PSMD3: variants seen among roughly 807,000 people sequenced by gnomAD.
PSMD3 encodes proteasome 26S subunit, non-ATPase 3, also known as 26S proteasome non-ATPase regulatory subunit 3.
Under a neutral mutation model 62.8 loss-of-function variants are expected in PSMD3, and 5 were observed. That is an observed-to-expected ratio of 0.08 (90% CI 0.04 to 0.17). PSMD3 has a LOEUF of 0.17. Among genes scored for constraint, PSMD3 ranks in the 10% least tolerant of loss-of-function variants. PSMD3 has a pLI of 1.00. For synonymous variants in PSMD3, 265 were observed against 283.9 expected, an observed-to-expected ratio of 0.93 and a Z score of 0.67; for missense variants, 524 against 713.6, an observed-to-expected ratio of 0.73 and a Z score of 3.03.
chr17:39,997,182 G>T, intron 10 of PSMD3, 148 bp from the exon 11 acceptor site: 1 of 702,856 alleles, frequency 1.4e-6, no homozygotes, highest in Non-Finnish European at 2.5e-6. Flanking sequence ...TTCCTTTGAT[G>T]CCTAGCCCCC....
intron 1 of PSMD3, among the ~76,000 whole-genome samples, chr17:39,981,932 C>A (rs1257385377): frequency 6.6e-6 from 1 of 152,118 alleles, no homozygotes; most frequent in Non-Finnish European, 1.5e-5. Flanking sequence ...TCCTCTTGTT[C>A]CTCCAAGTTC....
intron 3 of PSMD3, among the ~76,000 whole-genome samples, chr17:39,987,825 A>G (rs1797614132): frequency 6.6e-6 from 1 of 152,212 alleles, no homozygotes; most frequent in African/African-American, 2.4e-5. Flanking sequence ...AGTGTACTAC[A>G]GGCCAGGTAT....
At position 39,986,770 on chromosome 17, in the gene PSMD3, G is replaced by A. The variant is rs548146729; in HGVS notation, c.549+58G>A. ...CCCCAAGTGATGCAAGGGGTTTGGC[G>A]GGGAGATGGTCCCTGGTGAAGAAAT... is the stretch of plus-strand genomic sequence containing the variant. On this transcript the variant is annotated intron_variant, in intron 3 of 11. Coordinates refer to ENST00000264639, the MANE Select transcript of PSMD3 (RefSeq NM_002809.4). The A allele has an allele frequency of 2.6e-4, 417 of 1,579,622 alleles. 1 individual carries two copies. In the African/African-American group the frequency reaches 4.4e-3, roughly 17 times the overall value.
At chr17:39,988,935 A>T (rs528099183) in intron 4 of PSMD3, 116 bp downstream of exon 4, 4 of 1,397,110 alleles carry the variant, frequency 2.9e-6, no homozygotes, top group Admixed American at 1.8e-5. Context: ...AGCAGGGAAG[A>T]GGGGCAGTGG....
chr17:39,988,202 A>G (rs1431971694), intron 3 of PSMD3, among the ~76,000 whole-genome samples: 2 of 152,166 alleles, frequency 1.3e-5, no homozygotes, highest in Non-Finnish European at 2.9e-5. Flanking sequence ...TCACCCCACA[A>G]AGAAACACCA....
chr17:39,983,935 C>T (rs1043744148), intron 1 of PSMD3, among the ~76,000 whole-genome samples: 3 of 152,026 alleles, frequency 2.0e-5, no homozygotes, highest in Non-Finnish European at 4.4e-5. Flanking sequence ...CACGGTGGCT[C>T]ACGCCTATAA....
Position 39,996,062 on chromosome 17 carries a change from T to TGA in PSMD3, c.1321-119_1321-118dup, listed in dbSNP as rs1450015356. 2 of 1,236,592 alleles carry TGA rather than the reference T, an allele frequency of 1.6e-6. No homozygotes were observed. Among genetic ancestry groups the TGA allele is most frequent in the East Asian group, 4.8e-5 (2 of 41,902 alleles). 76.6% of individuals were successfully genotyped at this position (1,236,592 alleles called of 1,614,324 possible). ...TGAACCCGGGAGGTAAAGGTTGCAG[T>TGA]GAGCTGAGATCGCACCACCGCACTC... On this transcript the variant is annotated intron_variant, in intron 9 of 11. Transcript: ENST00000264639. The surrounding 1 kb of genome is among the most constrained non-coding windows in gnomAD (Gnocchi z 5.1).
rs1980757800 is a variant in PSMD3, at chr17:39,995,355, G to C, written c.1216+60G>C. 1 of 1,613,744 alleles carries C rather than the reference G, an allele frequency of 6.2e-7. No individual in the cohort carries two copies. The highest frequency in any genetic ancestry group is 8.5e-7 in the Non-Finnish European group (1 of 1,179,794). ...CAGAAGCCAGGCCAGGGCAAACCTA[G>C]TGGGTATCCTTGGGCAAGTGAAGGG... On this transcript the variant is annotated intron_variant, in intron 8 of 11. Transcript: ENST00000264639. The surrounding 1 kb of genome is among the most constrained non-coding windows in gnomAD (Gnocchi z 4.1).
intron 6 of PSMD3, among the ~76,000 whole-genome samples, chr17:39,990,469 T>C (rs956509407): frequency 6.6e-6 from 1 of 152,114 alleles, no homozygotes; most frequent in Non-Finnish European, 1.5e-5. Flanking sequence ...ACTTTTATTA[T>C]TATTTTTTGT....
At chr17:39,990,409 G>T (rs1368076762) in intron 6 of PSMD3, among the ~76,000 whole-genome samples, 1 of 151,866 alleles carries the variant, frequency 6.6e-6, no homozygotes, top group Non-Finnish European at 1.5e-5. Flanking sequence ...TCTTCTCTAT[G>T]CTAGGGGCTA....
At chr17:39,993,068 C>A (rs895375716) in intron 6 of PSMD3, 1 of 152,218 alleles carries the variant, frequency 6.6e-6, no homozygotes, top group Non-Finnish European at 1.5e-5. Context: ...AAATTGATTT[C>A]ATCACAATTC....
rs1007310917 is a variant in PSMD3, at chr17:39,981,000, C to T, written c.30C>T (p.Arg10=). Residue 10 remains arginine, a synonymous_variant, in exon 1 of 12, where the codon CGC becomes CGT. Coordinates refer to ENST00000264639, the MANE Select transcript of PSMD3 (RefSeq NM_002809.4). The part of the protein sequence containing the change: MKQEGSARR[R]GADKAKPPPG... ...AGCAGGAGGGCTCGGCGCGGCGCCGCGGCGCGGACAAGGCGAAACCGCCGC... is the reference window on the plus strand; with the variant it reads ...AGCAGGAGGGCTCGGCGCGGCGCCGTGGCGCGGACAAGGCGAAACCGCCGC... 13 of 1,547,572 alleles carry T rather than the reference C, an allele frequency of 8.4e-6. No individual in the cohort carries two copies. Among genetic ancestry groups the T allele is most frequent in the Non-Finnish European group, 1.0e-5 (12 of 1,146,878 alleles).
In PSMD3 at chr17:39,988,777, C is replaced by G; in HGVS notation, c.644C>G (p.Ala215Gly). The change falls in exon 4 of 12, where the codon GCC (alanine) becomes GGC (glycine). Residue 215 changes from alanine to glycine, a missense_variant. By Grantham distance (60) the Ala-to-Gly change is moderately conservative. Transcript: ENST00000264639. ...LVAAKCYYYH[A>G]RVYEFLDKLD... ...GCCGCAAAGTGTTACTATTATCACG[C>G]CCGGGTCTATGAGTTCCTGGACAAG... The G allele has an allele frequency of 1.2e-6, 2 of 1,614,116 alleles. No homozygotes were observed. Among genetic ancestry groups the G allele is most frequent in the Non-Finnish European group, 1.7e-6 (2 of 1,180,034 alleles).
Position 39,995,160 on chromosome 17 carries a change from C to A in PSMD3, c.1097-16C>A, listed in dbSNP as rs191334485. On this transcript the variant is annotated splice_polypyrimidine_tract_variant and intron_variant, in intron 7 of 11. Transcript: ENST00000264639. The surrounding 1 kb of genome is among the most constrained non-coding windows in gnomAD (Gnocchi z 4.1). ...GCCTATTTGCATCATCCAATCTACT[C>A]CTGTTCTGCCTGCAGCTGTCAGGAC... is the stretch of plus-strand genomic sequence containing the variant. 6.2e-7 allele frequency: 1 copy of A among 1,614,134 alleles called. No individual in the cohort carries two copies. The highest frequency in any genetic ancestry group is 8.5e-7 in the Non-Finnish European group (1 of 1,180,006).
At chr17:39,991,683 C>T (rs1038621239) in intron 6 of PSMD3, among the ~76,000 whole-genome samples, 4 of 152,128 alleles carry the variant, frequency 2.6e-5, no homozygotes, top group Non-Finnish European at 4.4e-5. Flanking sequence ...CATTTTATTT[C>T]TGTTCAGAAG....
At chr17:39,981,785 T>C (rs1980391781) in intron 1 of PSMD3, among the ~76,000 whole-genome samples, 1 of 152,126 alleles carries the variant, frequency 6.6e-6, no homozygotes, top group Non-Finnish European at 1.5e-5. Flanking sequence ...TTCTAAAGGG[T>C]TTAAGTACAT....
Position 39,995,229 on chromosome 17 carries a change from G to C in PSMD3, c.1150G>C (p.Glu384Gln). The C allele has an allele frequency of 6.2e-7, 1 of 1,614,064 alleles. No individual in the cohort carries two copies. ...CAACCAGGTCCTGGATCAGTTTGGG[G>C]AGAAGTTTCAAGCAGATGGGACCTA... ...KFNQVLDQFG[E>Q]KFQADGTYTL... Residue 384 changes from glutamate (E) to glutamine (Q), a missense_variant, in exon 8 of 12, where the codon GAG becomes CAG. Glu to Gln is a conservative substitution (Grantham distance 29). Around this residue, in one of 4 missense-constraint regions of PSMD3, gnomAD observed 32 missense variants for 85.4 expected, o/e 0.37. Transcript: ENST00000264639. This position sits in a 1 kb window ranked among gnomAD's most constrained non-coding sequence, Gnocchi z 4.1.
In PSMD3 at chr17:39,995,521, T is replaced by C. The variant is rs1980762125; in HGVS notation, c.1314T>C (p.Val438=). Residue 438 remains valine, a synonymous_variant, in exon 9 of 12, where the codon GTT becomes GTC. Coordinates refer to ENST00000264639, the MANE Select transcript of PSMD3 (RefSeq NM_002809.4). The surrounding 1 kb of genome is among the most constrained non-coding windows in gnomAD (Gnocchi z 4.1). ...GCCCCGAAGATGCAGAGTTCATTGT[T>C]GCCAAGGTGGGGCTGGTTCAGGAAC... ...LDSPEDAEFI[V]AKAIRDGVIE... is the part of the protein sequence containing the mutation. The C allele has an allele frequency of 4.3e-6, 7 of 1,612,782 alleles. No individual in the cohort carries two copies. Among genetic ancestry groups the C allele is most frequent in the Non-Finnish European group, 5.9e-6 (7 of 1,178,874 alleles).
chr17:39,993,132 CCT>C (rs1980700129), intron 6 of PSMD3: 1 of 152,180 alleles, frequency 6.6e-6, no homozygotes, highest in African/African-American at 2.4e-5. Context: ...CTTCTGAGGG[CCT>C]CTCTCGTCTG....
Sources: allele counts gnomAD v4.1 joint callset (sites outside exome capture counted in the v4.1 genomes callset), GRCh38; gene constraint gnomAD v4.1.1; regional missense constraint gnomAD v4.1.1; non-coding constraint Gnocchi (gnomAD v3.1); transcripts MANE v1.5; gene names NCBI Gene and HGNC (gene_info 2026-07-23, HGNC 2026-07-21).